Variants in RYR3 observed in about 807,000 individuals in gnomAD.
RYR3 encodes the protein ryanodine receptor 3.
Under a neutral mutation model 584.3 loss-of-function variants are expected in RYR3, and 207 were observed. That is an observed-to-expected ratio of 0.35 (90% CI 0.32 to 0.40). The LOEUF is 0.40. Ranked by LOEUF, RYR3 falls within the 10% of genes least tolerant of loss-of-function variation. The pLI is 1.00. For missense variants in RYR3, 5,616 were observed against 6,089.2 expected, an observed-to-expected ratio of 0.92 and a Z score of 2.59; for synonymous variants, 2,416 against 2,248.5, an observed-to-expected ratio of 1.07 and a Z score of -2.11.
At chr15:33,725,976 C>CCCCCCCAAAA (rs1555427643) in intron 45 of RYR3, among the ~76,000 whole-genome samples, 3 of 31,520 alleles carry the variant, frequency 9.5e-5, no homozygotes, top group African/African-American at 2.1e-4. Context: ...TCCCCCCCCC[C>CCCCCCCAAAA]AAAAAAAAAA....
At chr15:33,854,030 A>C (rs145356636) in intron 96 of RYR3, among the ~76,000 whole-genome samples, 57 of 152,088 alleles carry the variant, frequency 3.7e-4, no homozygotes, top group African/African-American at 1.3e-3. Flanking sequence ...CGTCTCTACT[A>C]ATAATATTTT....
intron 38 of RYR3, among the ~76,000 whole-genome samples, chr15:33,682,329 T>G (rs763165392): frequency 6.6e-6 from 1 of 151,962 alleles, no homozygotes; most frequent in Non-Finnish European, 1.5e-5. Flanking sequence ...AAGGTCTGAC[T>G]AGTCCAAAAA....
At chr15:33,706,599 C>T (rs927480134) in intron 42 of RYR3, among the ~76,000 whole-genome samples, 2 of 152,150 alleles carry the variant, frequency 1.3e-5, no homozygotes, top group Admixed American at 6.5e-5. Context: ...TCCCATTGTA[C>T]GTATATATCA....
At chr15:33,623,140 A>C (rs2060810397) in intron 19 of RYR3, among the ~76,000 whole-genome samples, 1 of 152,170 alleles carries the variant, frequency 6.6e-6, no homozygotes, top group Admixed American at 6.5e-5. Flanking sequence ...TAAGAAAGAC[A>C]CTGGGATCCC....
intron 2 of RYR3, among the ~76,000 whole-genome samples, chr15:33,477,337 C>T (rs1444330684): frequency 6.6e-6 from 1 of 151,792 alleles, no homozygotes; most frequent in Non-Finnish European, 1.5e-5. Flanking sequence ...CATATGGAAG[C>T]AAAGGAGTGA....
At chr15:33,591,782 C>A (rs570711619) in intron 16 of RYR3, among the ~76,000 whole-genome samples, 1 of 152,224 alleles carries the variant, frequency 6.6e-6, no homozygotes, top group East Asian at 1.9e-4. Context: ...ATCATTGATT[C>A]TCAGAAAGTA....
chr15:33,637,439 G>A (rs915252746), intron 27 of RYR3, among the ~76,000 whole-genome samples: 2 of 152,206 alleles, frequency 1.3e-5, no homozygotes, highest in African/African-American at 4.8e-5. Flanking sequence ...TCCTCCTCAC[G>A]GACGAGAAGG....
At chr15:33,449,407 T>C (rs1186784103) in intron 1 of RYR3, among the ~76,000 whole-genome samples, 3 of 152,100 alleles carry the variant, frequency 2.0e-5, no homozygotes, top group Non-Finnish European at 4.4e-5. Flanking sequence ...CCTTGTAACA[T>C]AATCTTGGCA....
At chr15:33,846,653 C>T (rs1337973887) in intron 93 of RYR3, among the ~76,000 whole-genome samples, 1 of 152,170 alleles carries the variant, frequency 6.6e-6, no homozygotes, top group East Asian at 1.9e-4. Flanking sequence ...AGCTACTGTG[C>T]TGCAGAGACC....
At position 33,693,991 on chromosome 15, in the gene RYR3, C is replaced by T. The variant is rs570520381; in HGVS notation, c.5861-2227C>T. Among the ~76,000 whole-genome samples, 3 of 152,206 alleles carry T rather than the reference C, an allele frequency of 2.0e-5. No homozygotes were observed. In the South Asian group the frequency reaches 6.3e-4, roughly 32 times the overall value. On this transcript the variant is annotated intron_variant, in intron 38 of 103. Transcript: ENST00000634891. ...CTTTTGTGGATGGGTTGGTGGAGCT[C>T]AGCACAGTTCCGGAGCACCAGGAGG... is the stretch of plus-strand genomic sequence containing the variant.
intron 55 of RYR3, among the ~76,000 whole-genome samples, chr15:33,749,449 C>T (rs1233205115): frequency 1.3e-5 from 2 of 152,172 alleles, no homozygotes; most frequent in African/African-American, 2.4e-5. Flanking sequence ...CTTGGACCTT[C>T]GAGAAAGTTT....
rs1031808573 is a variant in RYR3 at position 33,820,749 on chromosome 15, A to C, written c.10759-7A>C. The C allele has an allele frequency of 3.7e-6, 6 of 1,604,478 alleles. No individual in the cohort carries two copies. The Middle Eastern group carries it at 6.6e-4, about 177-fold the overall frequency. The stretch of plus-strand genomic sequence containing the variant: ...GTCTTCTCCCTTCCCTGCTCCATGA[A>C]ATCCAGAGTTGTCAAAGTGGTGAGG... On this transcript the variant is annotated splice_polypyrimidine_tract_variant and splice_region_variant and intron_variant, in intron 77 of 103. Transcript: ENST00000634891.
At chr15:33,503,846 ATGATT>A (rs2052224395) in intron 3 of RYR3, 108 bp downstream of exon 3, 1 of 677,828 alleles carries the variant, frequency 1.5e-6, no homozygotes, top group Non-Finnish European at 2.7e-6. Context: ...GACTGTTGAG[ATGATT>A]CATATGGAGA....
rs1440505313 is a variant in RYR3 at position 33,696,235 on chromosome 15, A to C, written c.5878A>C (p.Ile1960Leu). The C allele has an allele frequency of 6.2e-7, 1 of 1,613,574 alleles. No individual in the cohort carries two copies. Among genetic ancestry groups the C allele is most frequent in the Non-Finnish European group, 8.5e-7 (1 of 1,179,728 alleles). Reference protein sequence around the residue: ...ERCPTTLKELISQTMICWAQE... With the variant: ...ERCPTTLKELLSQTMICWAQE... ...CCTTCCAGCAACATTGAAGGAACTC[A>C]TCTCACAGACGATGATCTGCTGGGC... The change falls in exon 39 of 104, where the codon ATC (isoleucine) becomes CTC (leucine). Residue 1960 changes from isoleucine (I) to leucine (L), a missense_variant. Ile to Leu is a conservative substitution (Grantham distance 5, BLOSUM62 2). This residue lies in a region of RYR3 where 1,280 missense variants were observed against 1,426.2 expected (regional missense o/e 0.90). Coordinates refer to ENST00000634891, the MANE Select transcript of RYR3 (RefSeq NM_001036.6).
chr15:33,344,505 T>A (rs1197893056), intron 1 of RYR3, among the ~76,000 whole-genome samples: 1 of 152,134 alleles, frequency 6.6e-6, no homozygotes, highest in African/African-American at 2.4e-5. Flanking sequence ...ATATATATAT[T>A]TTTCCAGAAG....
intron 2 of RYR3, among the ~76,000 whole-genome samples, chr15:33,495,607 T>C (rs150101873): frequency 3.7e-4 from 56 of 152,306 alleles, no homozygotes; most frequent in African/African-American, 1.3e-3. Flanking sequence ...TACTTGCCCA[T>C]ATAAGTTTTA....
At chr15:33,429,388 C>A (rs2141705606) in intron 1 of RYR3, among the ~76,000 whole-genome samples, 1 of 152,324 alleles carries the variant, frequency 6.6e-6, no homozygotes, top group South Asian at 2.1e-4. Context: ...AGACTACCTT[C>A]CTTGTAAAAG....
intron 1 of RYR3, among the ~76,000 whole-genome samples, chr15:33,323,440 C>G (rs1199956689): frequency 1.3e-5 from 2 of 152,132 alleles, no homozygotes; most frequent in African/African-American, 2.4e-5. Context: ...AGCCTACTCC[C>G]CAGTGGCTGA....
rs150572121 is a variant in RYR3, at chr15:33,450,707, G to A, written c.52-22712G>A. Among the ~76,000 whole-genome samples the A allele has an allele frequency of 2.4e-3, 370 of 151,964 alleles. 1 individual carries two copies. The highest frequency in any genetic ancestry group is 6.4e-3 in the African/African-American group (263 of 41,406). On this transcript the variant is annotated intron_variant, in intron 1 of 103. Transcript: ENST00000634891. ...TTACCTTGCAGAGTACTGAGTCCTG[G>A]CTTCATGAATTTCATGTCAAGTAAA... is the stretch of plus-strand genomic sequence containing the variant.
Sources: gnomAD v4.1 joint callset for allele counts (sites outside exome capture counted in the v4.1 genomes callset) on GRCh38, gnomAD v4.1.1 for gene constraint, gnomAD v4.1.1 regional missense constraint, MANE v1.5 for transcripts, NCBI Gene and HGNC (gene_info 2026-07-23, HGNC 2026-07-21) for gene names.